The following B3GALT5 variants were observed in gnomAD, a reference collection of about 807,000 sequenced individuals.
The protein encoded by B3GALT5 is UDP-Gal:betaGlcNAc beta 1,3-galactosyltransferase, polypeptide 5.
For synonymous variants in B3GALT5, 156 were observed against 158.6 expected, an observed-to-expected ratio of 0.98 and a Z score of 0.12; for missense variants, 328 against 396.6, an observed-to-expected ratio of 0.83 and a Z score of 1.47.
intron 2 of B3GALT5, among the ~76,000 whole-genome samples, chr21:39,659,120 G>C (rs1001225734): frequency 1.3e-5 from 2 of 152,096 alleles, no homozygotes; most frequent in Non-Finnish European, 2.9e-5. Flanking sequence ...TGCGCCTGTG[G>C]TCACAGCTAC....
chr21:39,616,796 A>G (rs1240059614), intron 1 of B3GALT5, among the ~76,000 whole-genome samples: 1 of 152,164 alleles, frequency 6.6e-6, no homozygotes, highest in African/African-American at 2.4e-5. Context: ...TGGTGGATTT[A>G]GTCTCTATTC....
At chr21:39,645,865 A>G (rs542267496) in intron 1 of B3GALT5, among the ~76,000 whole-genome samples, 4 of 151,986 alleles carry the variant, frequency 2.6e-5, no homozygotes, top group East Asian at 1.9e-4. Context: ...CTTTGTTAGT[A>G]TAATAGTTTT....
At chr21:39,660,517 C>G (rs767808866) in intron 3 of B3GALT5, 43 bp from the exon 4 acceptor site, 11 of 1,380,792 alleles carry the variant, frequency 8.0e-6, no homozygotes, top group African/African-American at 2.9e-5. Context: ...TAGACACATC[C>G]TCATGCTTTT....
rs2079618621 is a variant in B3GALT5 at position 39,670,588 on chromosome 21, C to T, written c.*9096C>T. Reference sequence around the variant, plus strand: ...TTCCAGACATCTCTGAAGGATGTGACACCAACTTTCAGGCAGAACATTTAG... The same window carrying T: ...TTCCAGACATCTCTGAAGGATGTGATACCAACTTTCAGGCAGAACATTTAG... On this transcript the variant is annotated 3_prime_UTR_variant, in exon 4 of 4. Coordinates refer to ENST00000684187, the MANE Select transcript of B3GALT5 (RefSeq NM_001356336.2). The T allele has an allele frequency of 3.3e-5, 5 of 152,202 alleles. No homozygotes were observed. Among genetic ancestry groups the T allele is most frequent in the South Asian group, 2.1e-4 (1 of 4,824 alleles). 9.4% of individuals were successfully genotyped at this position (152,202 alleles called of 1,614,324 possible). A position where few individuals can be genotyped will look rare whatever the true frequency, so the allele number is the denominator to read the frequency against.
chr21:39,654,914 T>C (rs1324639661), intron 2 of B3GALT5, among the ~76,000 whole-genome samples: 1 of 152,268 alleles, frequency 6.6e-6, no homozygotes, highest in East Asian at 1.9e-4. Context: ...ATTGTAAACA[T>C]AACTTTAAAT....
intron 1 of B3GALT5, among the ~76,000 whole-genome samples, chr21:39,644,443 A>G (rs1356699100): frequency 6.6e-6 from 1 of 152,180 alleles, no homozygotes; most frequent in Non-Finnish European, 1.5e-5. Context: ...GCAGGCTTGC[A>G]TGACCCAGCT....
chr21:39,613,628 A>G (rs2079092238), intron 1 of B3GALT5, among the ~76,000 whole-genome samples: 1 of 152,210 alleles, frequency 6.6e-6, no homozygotes, highest in South Asian at 2.1e-4. Context: ...AGACTCAGTA[A>G]TGAACATTAT....
At chr21:39,632,930 C>A (rs1403987483) in intron 1 of B3GALT5, among the ~76,000 whole-genome samples, 3 of 152,220 alleles carry the variant, frequency 2.0e-5, no homozygotes, top group African/African-American at 7.2e-5. Flanking sequence ...CTTTGTGTAT[C>A]TCTTCCTACT....
intron 1 of B3GALT5, among the ~76,000 whole-genome samples, chr21:39,619,086 G>T (rs896438372): frequency 1.2e-4 from 19 of 152,018 alleles, no homozygotes; most frequent in African/African-American, 4.1e-4. Flanking sequence ...TACTTGTGTA[G>T]ATCTGTTTTG....
chr21:39,638,455 GC>G (rs2079245335), intron 1 of B3GALT5, among the ~76,000 whole-genome samples: 1 of 152,178 alleles, frequency 6.6e-6, no homozygotes, highest in Non-Finnish European at 1.5e-5. Flanking sequence ...TCGGGGGAGA[GC>G]CCAGGCCGTT....
At chr21:39,628,430 C>A (rs1433763993) in intron 1 of B3GALT5, among the ~76,000 whole-genome samples, 2 of 152,176 alleles carry the variant, frequency 1.3e-5, no homozygotes, top group Admixed American at 1.3e-4. Flanking sequence ...TTTGTTATCT[C>A]TCATTCCACT....
intron 1 of B3GALT5, among the ~76,000 whole-genome samples, chr21:39,638,932 T>G (rs1460406093): frequency 1.3e-5 from 2 of 152,168 alleles, no homozygotes; most frequent in Non-Finnish European, 2.9e-5. Context: ...GGGATTGTGT[T>G]TGCGAGAAGT....
intron 1 of B3GALT5, among the ~76,000 whole-genome samples, chr21:39,643,577 GA>G (rs971025992): frequency 1.6e-4 from 25 of 152,210 alleles, no homozygotes; most frequent in Non-Finnish European, 1.5e-5. Context: ...TCTTCTGGTT[GA>G]ATTTGCGTTT....
At chr21:39,652,419 G>A (rs1188979136) in intron 2 of B3GALT5, among the ~76,000 whole-genome samples, 4 of 152,336 alleles carry the variant, frequency 2.6e-5, no homozygotes, top group East Asian at 1.9e-4. Flanking sequence ...CTTCCCAACC[G>A]TTCTGTGAGG....
chr21:39,655,273 T>C (rs995308637), intron 2 of B3GALT5, among the ~76,000 whole-genome samples: 3 of 152,234 alleles, frequency 2.0e-5, no homozygotes, highest in Non-Finnish European at 4.4e-5. Context: ...AGAACTTTCC[T>C]TTTACTCACG....
At chr21:39,613,872 TTATGTTAGCA>T (rs2123677251) in intron 1 of B3GALT5, among the ~76,000 whole-genome samples, 1 of 152,386 alleles carries the variant, frequency 6.6e-6, no homozygotes, top group Non-Finnish European at 1.5e-5. Flanking sequence ...CACTGGTCCT[TTATGTTAGCA>T]TAGCAAACTT....
Position 39,672,740 on chromosome 21 carries a change from T to G in B3GALT5, c.*11248T>G, listed in dbSNP as rs1389594988. On this transcript the variant is annotated 3_prime_UTR_variant, in exon 4 of 4. Coordinates refer to ENST00000684187, the MANE Select transcript of B3GALT5 (RefSeq NM_001356336.2). ...TTATTTTGTACCTGGAAAAATATTT[T>G]TACAATTTATTTTGATTTTATATGT... 1 of 152,236 alleles carries G rather than the reference T, an allele frequency of 6.6e-6. No homozygotes were observed. Among genetic ancestry groups the G allele is most frequent in the African/African-American group, 2.4e-5 (1 of 41,458 alleles). The allele number at this position is 152,236 out of a possible 1,614,324, so 9.4% of individuals were successfully genotyped here.
chr21:39,658,311 T>C (rs948419661), intron 2 of B3GALT5, among the ~76,000 whole-genome samples: 5 of 152,122 alleles, frequency 3.3e-5, no homozygotes, highest in African/African-American at 1.2e-4. Context: ...GCCAATGCAC[T>C]GCATGAGGTG....
intron 1 of B3GALT5, among the ~76,000 whole-genome samples, chr21:39,613,594 T>A (rs1045112474): frequency 6.6e-6 from 1 of 152,184 alleles, no homozygotes; most frequent in Non-Finnish European, 1.5e-5. Flanking sequence ...TGTAGGTCAT[T>A]GCTAAATACA....
Sources: gnomAD v4.1 joint callset for allele counts (sites outside exome capture counted in the v4.1 genomes callset) on GRCh38, gnomAD v4.1.1 for gene constraint, MANE v1.5 for transcripts, NCBI Gene and HGNC (gene_info 2026-07-23, HGNC 2026-07-21) for gene names.